The following DDX1 variants were observed in gnomAD, a reference collection of about 807,000 sequenced individuals.
DDX1 encodes the protein ATP-dependent RNA helicase DDX1.
In DDX1, 28 loss-of-function variants were observed where a neutral mutation model predicts 108.7. The ratio of observed to expected loss-of-function variants is 0.26; its 90% confidence interval spans 0.19 to 0.35. The LOEUF (loss-of-function observed/expected upper bound fraction) is 0.35. Among genes scored for constraint, DDX1 ranks in the 10% least tolerant of loss-of-function variants. The pLI, the probability that DDX1 is intolerant of heterozygous loss-of-function variation, is 1.00. For missense variants in DDX1, 710 were observed against 884.5 expected (o/e 0.80, Z 2.50); for synonymous variants, 295 against 288.9 (o/e 1.02, Z -0.21).
At chr2:15,625,354 T>C (rs969199301) in intron 19 of DDX1, among the ~76,000 whole-genome samples, 1 of 152,172 alleles carries the variant, frequency 6.6e-6, no homozygotes, top group African/African-American at 2.4e-5. Flanking sequence ...TTTTTTGGTG[T>C]GATAATGATG....
In DDX1 at chr2:15,620,280, A is replaced by G; in HGVS notation, c.1279A>G (p.Thr427Ala). 6.2e-7 allele frequency: 1 copy of G among 1,613,996 alleles called. No homozygotes were observed. ...KLSEKIMHFP[T>A]WVDLKGEDSV... is the part of the protein sequence containing the mutation. ...GTCCGAGAAGATAATGCATTTTCCT[A>G]CATGGGTTGACTTAAAAGGAGAAGA... is the stretch of plus-strand genomic sequence containing the variant. The change falls in exon 17 of 26, where the codon ACA becomes GCA. Residue 427 changes from threonine (T) to alanine (A), a missense_variant. By Grantham distance (58) the Thr-to-Ala change is moderately conservative. Around this residue, in one of 3 missense-constraint regions of DDX1, gnomAD observed 661 missense variants for 810.2 expected, o/e 0.82. Coordinates refer to ENST00000233084, the MANE Select transcript of DDX1 (RefSeq NM_004939.3).
intron 16 of DDX1, among the ~76,000 whole-genome samples, chr2:15,619,540 T>C (rs1297836453): frequency 6.6e-6 from 1 of 152,228 alleles, no homozygotes; most frequent in African/African-American, 2.4e-5. Flanking sequence ...CCTGACGGCC[T>C]GTTGCTGCCA....
chr2:15,628,537 G>A lies in DDX1; in HGVS notation c.1759+20G>A, dbSNP rs1410560157. ...CTTATGGTAAAAAGCAACTTTTTAT[G>A]CCTGTAGTGTGATTGTTACGGAATC... On this transcript the variant is annotated intron_variant, in intron 21 of 25. Transcript: ENST00000233084. 1 of 1,603,376 alleles carries A rather than the reference G, an allele frequency of 6.2e-7. No homozygotes were observed. The highest frequency in any genetic ancestry group is 1.1e-5 in the South Asian group (1 of 90,828).
chr2:15,607,136 T>C (rs769935807), intron 12 of DDX1, 39 bp from the exon 13 acceptor site: 36 of 1,586,678 alleles, frequency 2.3e-5, no homozygotes, highest in Non-Finnish European at 3.1e-5. Context: ...TATTATAAAG[T>C]GTGCTTTGAA....
In DDX1 at chr2:15,603,889, A is replaced by T. The variant is rs140238349; in HGVS notation, c.551A>T (p.Glu184Val). The change falls in exon 9 of 26, where the codon GAG becomes GTG. Residue 184 changes from glutamate (E) to valine (V), a missense_variant and splice_region_variant. Around this residue, in one of 3 missense-constraint regions of DDX1, gnomAD observed 661 missense variants for 810.2 expected, o/e 0.82. Coordinates refer to ENST00000233084, the MANE Select transcript of DDX1 (RefSeq NM_004939.3). ...SHNKQFDNYG[E>V]EFTMHDTIGC... ...AACAAACAATTTGATAATTATGGAGAGGTAAGCGATTATGTTATGACTTCA... is the reference window on the plus strand; with the variant it reads ...AACAAACAATTTGATAATTATGGAGTGGTAAGCGATTATGTTATGACTTCA... The T allele has an allele frequency of 6.9e-6, 11 of 1,605,834 alleles. No homozygotes were observed. The highest frequency in any genetic ancestry group is 8.5e-6 in the Non-Finnish European group (10 of 1,174,710).
At chr2:15,610,979 A>G (rs547931938) in intron 13 of DDX1, among the ~76,000 whole-genome samples, 227 of 150,496 alleles carry the variant, frequency 1.5e-3, no homozygotes, top group African/African-American at 5.3e-3. Flanking sequence ...GAAGGTCAGC[A>G]GATAAACAAG....
intron 3 of DDX1, among the ~76,000 whole-genome samples, chr2:15,595,833 G>T (rs866230912): frequency 6.6e-6 from 1 of 152,130 alleles, no homozygotes. Flanking sequence ...GAATCCAGTT[G>T]TCCTTTTGCT....
chr2:15,621,392 G>A (rs758870201), intron 18 of DDX1: 15 of 317,388 alleles, frequency 4.7e-5, no homozygotes, highest in Non-Finnish European at 8.1e-5. Context: ...AGGCAACCTC[G>A]GCCACCCGGG....
intron 1 of DDX1, among the ~76,000 whole-genome samples, chr2:15,594,525 A>G (rs1382187381): frequency 6.6e-6 from 1 of 152,198 alleles, no homozygotes; most frequent in Non-Finnish European, 1.5e-5. Context: ...TGAGATATGT[A>G]TACAGTTAAG....
At chr2:15,603,951 C>A in intron 9 of DDX1, 61 bp downstream of exon 9, 1 of 1,072,220 alleles carries the variant, frequency 9.3e-7, no homozygotes, top group Non-Finnish European at 1.4e-6. Flanking sequence ...TACTTAATCA[C>A]TCATGACAGA....
At chr2:15,605,885 C>G (rs369700567) in intron 10 of DDX1, 65 bp from the exon 11 acceptor site, 1 of 1,108,076 alleles carries the variant, frequency 9.0e-7, no homozygotes. Context: ...GTAGATTTGA[C>G]ATTGTCAGCA....
In DDX1 at chr2:15,611,349, C is replaced by T. The variant is rs62122275; in HGVS notation, c.957-1875C>T. Among the ~76,000 whole-genome samples the T allele has an allele frequency of 6.8e-3, 1,030 of 151,852 alleles. 21 individuals are homozygous for T. Among genetic ancestry groups the T allele is most frequent in the African/African-American group, 0.024 (985 of 41,294 alleles). On this transcript the variant is annotated intron_variant, in intron 13 of 25. Transcript: ENST00000233084. ...TTTCCCCACCTCTCCCCACTTTCTA[C>T]TCCACAAAACCGCCATTGTCATCAT...
At chr2:15,611,018 A>C (rs566158762) in intron 13 of DDX1, among the ~76,000 whole-genome samples, 25 of 150,542 alleles carry the variant, frequency 1.7e-4, no homozygotes, top group South Asian at 1.5e-3. Flanking sequence ...TTTCCTAGGC[A>C]GAGGACCCTG....
intron 23 of DDX1, 43 bp from the exon 24 acceptor site, chr2:15,629,559 T>C: frequency 1.5e-6 from 2 of 1,359,912 alleles, no homozygotes; most frequent in Non-Finnish European, 2.1e-6. Context: ...TTAGCATGTC[T>C]CTATCTCCAT....
chr2:15,626,158 G>T (rs1007526518), intron 19 of DDX1, among the ~76,000 whole-genome samples: 2 of 152,010 alleles, frequency 1.3e-5, no homozygotes, highest in Non-Finnish European at 1.5e-5. Context: ...GATTACAGGG[G>T]TTTAAAAGAA....
At chr2:15,628,985 T>C in intron 23 of DDX1, 146 bp downstream of exon 23, 1 of 735,956 alleles carries the variant, frequency 1.4e-6, no homozygotes, top group Non-Finnish European at 2.2e-6. Flanking sequence ...TTTTTTCCTA[T>C]ATTCATTGAA....
At chr2:15,616,708 T>C (rs1270883840) in intron 14 of DDX1, among the ~76,000 whole-genome samples, 1 of 152,196 alleles carries the variant, frequency 6.6e-6, no homozygotes, top group Non-Finnish European at 1.5e-5. Flanking sequence ...ACTATTACTG[T>C]TTTCCTGGAC....
chr2:15,623,009 CATTA>C (rs1220790091), intron 18 of DDX1, among the ~76,000 whole-genome samples: 2 of 152,106 alleles, frequency 1.3e-5, no homozygotes, highest in Non-Finnish European at 2.9e-5. Flanking sequence ...TTAGAAAGTA[CATTA>C]ATTATTTTTA....
chr2:15,605,886 A>T (rs72780859), intron 10 of DDX1, 64 bp from the exon 11 acceptor site: 24,239 of 1,130,946 alleles, frequency 0.021, 362 homozygotes, highest in Admixed American at 0.052. Flanking sequence ...TAGATTTGAC[A>T]TTGTCAGCAT....
Sources: allele counts gnomAD v4.1 joint callset (sites outside exome capture counted in the v4.1 genomes callset), GRCh38; gene constraint gnomAD v4.1.1; regional missense constraint gnomAD v4.1.1; transcripts MANE v1.5; gene names NCBI Gene and HGNC (gene_info 2026-07-23, HGNC 2026-07-21).